Variants in SPTLC2 observed in about 807,000 individuals in gnomAD.
The protein encoded by SPTLC2 is serine palmitoyltransferase 2.
SPTLC2 carries 21 observed loss-of-function variants against 62.0 expected under a neutral mutation model. The observed-to-expected ratio is 0.34, with a 90% CI of 0.24 to 0.49. The LOEUF is 0.49. SPTLC2 is among the 20% of genes least tolerant of loss of function. SPTLC2 has a pLI of 0.99. For missense variants in SPTLC2, 511 were observed against 713.0 expected (o/e 0.72, Z 3.23); for synonymous variants, 261 against 261.8 (o/e 1.00, Z 0.03).
At chr14:77,583,199 C>CAATAAATAGATA (rs2079761999) in intron 2 of SPTLC2, among the ~76,000 whole-genome samples, 1 of 132,484 alleles carries the variant, frequency 7.5e-6, no homozygotes, top group Non-Finnish European at 1.6e-5. Context: ...AAAGCTGTCT[C>CAATAAATAGATA]AATAAATAAA....
chr14:77,537,397 T>C (rs775869752), intron 9 of SPTLC2, among the ~76,000 whole-genome samples: 3 of 152,182 alleles, frequency 2.0e-5, no homozygotes, highest in Non-Finnish European at 2.9e-5. Flanking sequence ...ACTGTACTTA[T>C]GCCGTTTATG....
At chr14:77,526,638 CAG>C (rs138035898) in intron 9 of SPTLC2, among the ~76,000 whole-genome samples, 3,736 of 152,086 alleles carry the variant, frequency 0.025, 144 homozygotes, top group African/African-American at 0.086. Flanking sequence ...ATGGAAGAGA[CAG>C]AGAAAAGTAA....
chr14:77,602,086 C>T (rs776902962), intron 1 of SPTLC2, among the ~76,000 whole-genome samples: 3 of 147,844 alleles, frequency 2.0e-5, no homozygotes, highest in East Asian at 2.0e-4. Flanking sequence ...CCCCCTTCTC[C>T]GTGTCTCTAC....
rs2079776810 is a variant in SPTLC2, at chr14:77,585,618, A to C, written c.328-6509T>G. On this transcript the variant is annotated intron_variant, in intron 2 of 11. Transcript: ENST00000216484. ...TGTCTTCTCAAGGTCAGGATGATTT[A>C]AAGTTCGACCCTTGACCTATGCATC... Among the ~76,000 whole-genome samples the C allele has an allele frequency of 3.3e-5, 5 of 152,224 alleles. No homozygotes were observed. The South Asian group carries it at 1.0e-3, about 31-fold the overall frequency.
At chr14:77,587,759 A>AAGTAATAATAATAAT (rs2079790162) in intron 2 of SPTLC2, among the ~76,000 whole-genome samples, 1 of 145,100 alleles carries the variant, frequency 6.9e-6, no homozygotes, top group East Asian at 2.0e-4. Context: ...CTCTGTCTCA[A>AAGTAATAATAATAAT]AATAATAATA....
chr14:77,591,268 G>A (rs2079814890), intron 2 of SPTLC2, among the ~76,000 whole-genome samples: 1 of 152,170 alleles, frequency 6.6e-6, no homozygotes, highest in South Asian at 2.1e-4. Flanking sequence ...TATATGAAAA[G>A]TCCCGAATAG....
At position 77,514,765 on chromosome 14, in the gene SPTLC2, C is replaced by T. The variant is rs374424670; in HGVS notation, c.1570-2362G>A. On this transcript the variant is annotated intron_variant, in intron 11 of 11. Transcript: ENST00000216484. Reference sequence around the variant, plus strand: ...CTATCTAGTTTTAGAGTATTTTTATCACCCTAAAAAGCAACCCAATACTCG... The same window carrying T: ...CTATCTAGTTTTAGAGTATTTTTATTACCCTAAAAAGCAACCCAATACTCG... Among the ~76,000 whole-genome samples, 6 of 152,270 alleles carry T rather than the reference C, an allele frequency of 3.9e-5. No homozygotes were observed. The East Asian group carries it at 1.2e-3, about 29-fold the overall frequency.
At chr14:77,557,277 G>T in intron 6 of SPTLC2, 131 bp from the exon 7 acceptor site, 1 of 797,096 alleles carries the variant, frequency 1.3e-6, no homozygotes, top group Non-Finnish European at 2.0e-6. Flanking sequence ...GAGTTGGGCA[G>T]AAAAAAGCAG....
chr14:77,586,141 T>C (rs2079780148), intron 2 of SPTLC2, among the ~76,000 whole-genome samples: 1 of 149,084 alleles, frequency 6.7e-6, no homozygotes, highest in Non-Finnish European at 1.5e-5. Flanking sequence ...AGTGACGCAA[T>C]CTAGACTCAC....
intron 9 of SPTLC2, among the ~76,000 whole-genome samples, chr14:77,541,675 T>C (rs895806436): frequency 6.6e-6 from 1 of 152,218 alleles, no homozygotes; most frequent in African/African-American, 2.4e-5. Flanking sequence ...AGGCAGCAGA[T>C]AACACTTTAA....
chr14:77,585,019 C>T (rs575859381), intron 2 of SPTLC2, among the ~76,000 whole-genome samples: 1 of 152,304 alleles, frequency 6.6e-6, no homozygotes, highest in South Asian at 2.1e-4. Flanking sequence ...TATTCACCAG[C>T]CTCTGGCAGT....
chr14:77,576,337 T>C (rs2079715506), intron 4 of SPTLC2, among the ~76,000 whole-genome samples: 1 of 152,268 alleles, frequency 6.6e-6, no homozygotes, highest in African/African-American at 2.4e-5. Flanking sequence ...CCAAGTACTC[T>C]ACATGGATTA....
chr14:77,572,297 A>G (rs149286237), intron 4 of SPTLC2, among the ~76,000 whole-genome samples: 63 of 152,320 alleles, frequency 4.1e-4, no homozygotes, highest in African/African-American at 1.4e-3. Flanking sequence ...CAACTGGATA[A>G]CCAAGAAATA....
intron 11 of SPTLC2, among the ~76,000 whole-genome samples, chr14:77,516,902 A>G (rs1356558986): frequency 1.3e-5 from 2 of 152,256 alleles, no homozygotes; most frequent in Non-Finnish European, 2.9e-5. Context: ...CAAAATGTCC[A>G]TCAAATTGTT....
intron 9 of SPTLC2, among the ~76,000 whole-genome samples, chr14:77,527,344 C>T (rs577770823): frequency 3.3e-5 from 5 of 152,034 alleles, no homozygotes; most frequent in South Asian, 4.1e-4. Flanking sequence ...ACTGATCCAT[C>T]GCACCAGGCC....
intron 9 of SPTLC2, among the ~76,000 whole-genome samples, chr14:77,546,893 C>A (rs1278053807): frequency 6.6e-6 from 1 of 152,206 alleles, no homozygotes; most frequent in Non-Finnish European, 1.5e-5. Context: ...CCACGCCCAG[C>A]TAATTTTCGT....
intron 6 of SPTLC2, among the ~76,000 whole-genome samples, chr14:77,560,139 C>T (rs1478986105): frequency 1.3e-5 from 2 of 152,074 alleles, no homozygotes; most frequent in African/African-American, 2.4e-5. Context: ...AATGATTCAC[C>T]ATAGCCTATG....
intron 1 of SPTLC2, among the ~76,000 whole-genome samples, chr14:77,600,383 G>A (rs975561444): frequency 3.3e-5 from 5 of 152,168 alleles, no homozygotes; most frequent in Admixed American, 6.5e-5. Flanking sequence ...AGATGGGCAC[G>A]CCAACTGACA....
At chr14:77,603,058 G>A (rs2140060821) in intron 1 of SPTLC2, among the ~76,000 whole-genome samples, 2 of 152,254 alleles carry the variant, frequency 1.3e-5, no homozygotes, top group Middle Eastern at 6.8e-3. Flanking sequence ...CTGAATAAAG[G>A]TTTCAAGAAT....
Sources: gnomAD v4.1 joint callset for allele counts (sites outside exome capture counted in the v4.1 genomes callset) on GRCh38, gnomAD v4.1.1 for gene constraint, MANE v1.5 for transcripts, NCBI Gene and HGNC (gene_info 2026-07-23, HGNC 2026-07-21) for gene names.